LRRC75A: variants seen among roughly 807,000 people sequenced by gnomAD.
LRRC75A encodes leucine rich repeat containing 75A, also known as leucine-rich repeat-containing protein 75A.
Under a neutral mutation model 26.0 loss-of-function variants are expected in LRRC75A, and 12 were observed. The ratio of observed to expected loss-of-function variants is 0.46; its 90% CI spans 0.30 to 0.75. The LOEUF is 0.75. Among genes scored for constraint, LRRC75A ranks in the 30% least tolerant of loss-of-function variants. The probability of loss-of-function intolerance (pLI) is 0.08; values close to 1 mark genes in which losing one functional copy is unlikely to be tolerated. For synonymous variants in LRRC75A, 223 were observed against 219.3 expected (o/e 1.02, Z -0.15); for missense variants, 410 against 486.6 (o/e 0.84, Z 1.48).
intron 1 of LRRC75A, among the ~76,000 whole-genome samples, chr17:16,467,618 C>T (rs2093779484): frequency 6.6e-6 from 1 of 152,192 alleles, no homozygotes; most frequent in Admixed American, 6.5e-5. Flanking sequence ...ACAGAAACTC[C>T]CTGCAAAATA....
At chr17:16,476,790 G>A (rs987187411) in intron 1 of LRRC75A, among the ~76,000 whole-genome samples, 1 of 140,136 alleles carries the variant, frequency 7.1e-6, no homozygotes, top group African/African-American at 2.7e-5. Flanking sequence ...CCAGGCTGGA[G>A]TGCAGTAGCA....
intron 1 of LRRC75A, among the ~76,000 whole-genome samples, chr17:16,486,628 C>T (rs2093847665): frequency 1.3e-5 from 2 of 152,238 alleles, no homozygotes; most frequent in African/African-American, 4.8e-5. Context: ...AGGCTCCGCT[C>T]CCCTCCCGCC....
Position 16,442,863 on chromosome 17 carries a change from G to A in LRRC75A, c.*725C>T, listed in dbSNP as rs2093544236. The A allele has an allele frequency of 6.6e-6, 1 of 152,250 alleles. No homozygotes were observed. Among genetic ancestry groups the A allele is most frequent in the African/African-American group, 2.4e-5 (1 of 41,460 alleles). The allele number at this position is 152,250 out of a possible 1,614,324, so 9.4% of individuals were successfully genotyped here. A position where few individuals can be genotyped will look rare whatever the true frequency, so the allele number is the denominator to read the frequency against. On this transcript the variant is annotated 3_prime_UTR_variant, in exon 4 of 4. Coordinates refer to ENST00000470794, the MANE Select transcript of LRRC75A (RefSeq NM_001113567.3). ...TTTTCAGCCAGCAGTGGGTAGGGAAGGTGGATAGGGGATTTCTGAACAGGA... is the reference window on the plus strand; with the variant it reads ...TTTTCAGCCAGCAGTGGGTAGGGAAAGTGGATAGGGGATTTCTGAACAGGA...
chr17:16,480,349 C>G (rs2159339), intron 1 of LRRC75A, among the ~76,000 whole-genome samples: 45,261 of 151,948 alleles, frequency 0.3, 7,891 homozygotes, highest in African/African-American at 0.49. Flanking sequence ...GAGACCGCTG[C>G]CCGGGCACGG....
chr17:16,453,334 GCACACA>G (rs71152809), intron 2 of LRRC75A, among the ~76,000 whole-genome samples: 160 of 133,432 alleles, frequency 1.2e-3, no homozygotes, highest in African/African-American at 4.3e-3. Context: ...ACACGCACAC[GCACACA>G]CGCACACGCA....
intron 1 of LRRC75A, among the ~76,000 whole-genome samples, chr17:16,481,658 G>A (rs1302887894): frequency 6.6e-6 from 1 of 151,866 alleles, no homozygotes; most frequent in East Asian, 1.9e-4. Context: ...TCTGTGGGTC[G>A]GCAAGATGGC....
chr17:16,451,951 G>T (rs1205603699), intron 2 of LRRC75A, among the ~76,000 whole-genome samples: 1 of 151,138 alleles, frequency 6.6e-6, no homozygotes, highest in African/African-American at 2.4e-5. Context: ...GTCTCACTGT[G>T]TTAGCGAGGA....
chr17:16,482,501 C>T (rs975884663), intron 1 of LRRC75A, among the ~76,000 whole-genome samples: 5 of 152,160 alleles, frequency 3.3e-5, no homozygotes, highest in Non-Finnish European at 7.4e-5. Context: ...GGACCAGGGC[C>T]GCTGGGAGGC....
intron 1 of LRRC75A, among the ~76,000 whole-genome samples, chr17:16,485,665 T>TTC (rs1568987946): frequency 1.6e-5 from 2 of 128,896 alleles, no homozygotes; most frequent in African/African-American, 6.4e-5. Flanking sequence ...TGTGTGTGTG[T>TTC]GTGTTCGTGT....
chr17:16,447,701 A>C, intron 3 of LRRC75A, 144 bp downstream of exon 3: 6 of 604,624 alleles, frequency 9.9e-6, no homozygotes, highest in Non-Finnish European at 1.4e-5. Flanking sequence ...CCACTCTGGA[A>C]TCCTCCTTCC....
In LRRC75A at chr17:16,446,028, C is replaced by G. The variant is rs1237566595; in HGVS notation, c.491+1817G>C. Among the ~76,000 whole-genome samples the G allele has an allele frequency of 3.9e-5, 6 of 152,228 alleles. No individual in the cohort carries two copies. The East Asian group carries it at 1.2e-3, about 29-fold the overall frequency. The stretch of plus-strand genomic sequence containing the variant: ...GGTTCAAGTGATTCTCCTGCCTCAG[C>G]CTTCTGAGTAGCTGGGATTACAGGC... On this transcript the variant is annotated intron_variant, in intron 3 of 3. Transcript: ENST00000470794.
intron 1 of LRRC75A, among the ~76,000 whole-genome samples, chr17:16,466,623 G>A (rs151098825): frequency 3.0e-3 from 458 of 152,320 alleles, no homozygotes; most frequent in African/African-American, 0.01. Flanking sequence ...GGGGAGTGAC[G>A]CTCGGAGAGT....
At position 16,442,703 on chromosome 17, in the gene LRRC75A, A is replaced by T. The variant is rs1217233245; in HGVS notation, c.*885T>A. 6.6e-6 allele frequency: 1 copy of T among 152,216 alleles called. No homozygotes were observed. The allele number at this position is 152,216 out of a possible 1,614,324, so 9.4% of individuals were successfully genotyped here. On this transcript the variant is annotated 3_prime_UTR_variant, in exon 4 of 4. Transcript: ENST00000470794. ...TCTGGAATGTGTTGGTGGATTACTT[A>T]AGAGTTATGGGGAAAGAGTTCTTAC...
At chr17:16,459,609 A>C (rs993310707) in intron 2 of LRRC75A, among the ~76,000 whole-genome samples, 18 of 152,230 alleles carry the variant, frequency 1.2e-4, no homozygotes, top group African/African-American at 4.3e-4. Flanking sequence ...CCCCTCACTA[A>C]AGGATGTTCA....
chr17:16,480,149 A>G (rs1227637939), intron 1 of LRRC75A, among the ~76,000 whole-genome samples: 1 of 152,252 alleles, frequency 6.6e-6, no homozygotes, highest in Non-Finnish European at 1.5e-5. Flanking sequence ...CAGGAAAAGA[A>G]GCTCAGCGCC....
intron 2 of LRRC75A, among the ~76,000 whole-genome samples, chr17:16,457,648 A>G (rs34148351): frequency 0.27 from 40,089 of 149,968 alleles, 6,690 homozygotes; most frequent in Non-Finnish European, 0.36. Context: ...GGTGGAAATG[A>G]TGGTTTGTGA....
intron 1 of LRRC75A, among the ~76,000 whole-genome samples, chr17:16,490,111 C>T (rs1236399272): frequency 2.6e-5 from 4 of 152,190 alleles, no homozygotes; most frequent in African/African-American, 7.2e-5. Flanking sequence ...AGTCTCCTCC[C>T]GTGGGCCTCC....
chr17:16,445,040 G>A (rs574265383), intron 3 of LRRC75A, among the ~76,000 whole-genome samples: 2 of 151,318 alleles, frequency 1.3e-5, no homozygotes, highest in African/African-American at 4.9e-5. Context: ...GTAGAGACGG[G>A]GTTTCACCAT....
At chr17:16,451,041 C>CT (rs2093626934) in intron 2 of LRRC75A, among the ~76,000 whole-genome samples, 1 of 152,002 alleles carries the variant, frequency 6.6e-6, no homozygotes. Context: ...TGCCACTGGA[C>CT]TTATGGGGTT....
Sources: gnomAD v4.1 joint callset for allele counts (sites outside exome capture counted in the v4.1 genomes callset) on GRCh38, gnomAD v4.1.1 for gene constraint, MANE v1.5 for transcripts, NCBI Gene and HGNC (gene_info 2026-07-23, HGNC 2026-07-21) for gene names.